Variants in GPR137C observed in about 807,000 individuals in gnomAD.
GPR137C encodes the protein integral membrane protein GPR137C.
GPR137C carries 27 observed loss-of-function variants against 43.4 expected under a neutral mutation model. The observed-to-expected ratio is 0.62, with a 90% CI of 0.46 to 0.86. The LOEUF is 0.86. GPR137C is among the 40% of genes least tolerant of loss of function. The probability of loss-of-function intolerance (pLI) is 0.00; values close to 1 mark genes in which losing one functional copy is unlikely to be tolerated. For missense variants in GPR137C, 522 were observed against 534.6 expected, an observed-to-expected ratio of 0.98 and a Z score of 0.23; for synonymous variants, 285 against 226.9, an observed-to-expected ratio of 1.26 and a Z score of -2.30.
chr14:52,555,890 TTC>T (rs1297731429), intron 1 of GPR137C, among the ~76,000 whole-genome samples: 1 of 152,190 alleles, frequency 6.6e-6, no homozygotes, highest in East Asian at 1.9e-4. Context: ...CAGAAATCAT[TTC>T]TCTTTTCATT....
chr14:52,557,787 A>C (rs2038216966), intron 1 of GPR137C, among the ~76,000 whole-genome samples: 2 of 152,236 alleles, frequency 1.3e-5, no homozygotes, highest in Admixed American at 1.3e-4. Context: ...AATATGTATC[A>C]GTTGTGATAC....
intron 1 of GPR137C, among the ~76,000 whole-genome samples, chr14:52,593,552 G>A (rs2038811502): frequency 6.6e-6 from 1 of 152,164 alleles, no homozygotes; most frequent in Non-Finnish European, 1.5e-5. Flanking sequence ...TCCTGGTTTA[G>A]TCTTGGGAGG....
At chr14:52,612,605 AG>A (rs1472586218) in intron 3 of GPR137C, 3 of 739,830 alleles carry the variant, frequency 4.1e-6, no homozygotes, top group Non-Finnish European at 5.0e-6. Context: ...TGTGTCACCC[AG>A]GCTGGAATGT....
intron 1 of GPR137C, among the ~76,000 whole-genome samples, chr14:52,589,483 A>G (rs1261755802): frequency 6.6e-6 from 1 of 152,182 alleles, no homozygotes; most frequent in Non-Finnish European, 1.5e-5. Context: ...AAGAGGGTGG[A>G]TGGAATTAAG....
In GPR137C at chr14:52,636,235, A is replaced by C. The variant is rs528347873; in HGVS notation, c.*1120A>C. The C allele has an allele frequency of 6.6e-6, 1 of 152,234 alleles. No individual in the cohort carries two copies. The highest frequency in any genetic ancestry group is 2.1e-4 in the South Asian group (1 of 4,830). The allele number at this position is 152,234 out of a possible 1,614,324, so 9.4% of individuals were successfully genotyped here. A position where few individuals can be genotyped will look rare whatever the true frequency, so the allele number is the denominator to read the frequency against. On this transcript the variant is annotated 3_prime_UTR_variant, in exon 7 of 7. Transcript: ENST00000321662. ...AATGAGCAAACTTAAGTAAATGTACAAACTAGGTAAGTATAAAACCACAGG... is the reference window on the plus strand; with the variant it reads ...AATGAGCAAACTTAAGTAAATGTACCAACTAGGTAAGTATAAAACCACAGG...
chr14:52,614,617 G>A (rs563819788), intron 3 of GPR137C, among the ~76,000 whole-genome samples: 1 of 152,082 alleles, frequency 6.6e-6, no homozygotes, highest in African/African-American at 2.4e-5. Context: ...CTTCCTGAGT[G>A]GCTGGGACTA....
intron 1 of GPR137C, among the ~76,000 whole-genome samples, chr14:52,571,987 G>C (rs1203869998): frequency 6.6e-6 from 1 of 152,134 alleles, no homozygotes; most frequent in East Asian, 1.9e-4. Context: ...AAATAAACTA[G>C]AATATCCAGA....
intron 1 of GPR137C, among the ~76,000 whole-genome samples, chr14:52,559,170 A>G (rs905049787): frequency 1.3e-5 from 2 of 152,174 alleles, no homozygotes; most frequent in East Asian, 3.9e-4. Flanking sequence ...AGGTCAGGAG[A>G]TCGAGACCCT....
chr14:52,560,006 A>G (rs1351377772), intron 1 of GPR137C, among the ~76,000 whole-genome samples: 1 of 152,048 alleles, frequency 6.6e-6, no homozygotes, highest in Admixed American at 6.6e-5. Context: ...AAAAATAAAA[A>G]ATTAGCCAGG....
At position 52,601,029 on chromosome 14, in the gene GPR137C, C is replaced by T. The variant is rs567523938; in HGVS notation, c.717+688C>T. Among the ~76,000 whole-genome samples, 5 of 152,258 alleles carry T rather than the reference C, an allele frequency of 3.3e-5. No homozygotes were observed. In the South Asian group the frequency reaches 6.2e-4, roughly 19 times the overall value. On this transcript the variant is annotated intron_variant, in intron 3 of 6. Transcript: ENST00000321662. ...TGCCTTGCTTCTCCCTTGCCTTATA[C>T]TTTGGATCAACAAACAGAAGCCAAA... is the stretch of plus-strand genomic sequence containing the variant.
intron 1 of GPR137C, among the ~76,000 whole-genome samples, chr14:52,571,129 A>C (rs2038461407): frequency 6.6e-6 from 1 of 152,162 alleles, no homozygotes; most frequent in Non-Finnish European, 1.5e-5. Context: ...CGGAAATCAT[A>C]AACAGTCACT....
intron 3 of GPR137C, among the ~76,000 whole-genome samples, chr14:52,624,672 C>T (rs576248918): frequency 6.7e-6 from 1 of 149,102 alleles, no homozygotes; most frequent in East Asian, 2.0e-4. Context: ...TGCAGTGAGC[C>T]GAGATCATGC....
intron 3 of GPR137C, among the ~76,000 whole-genome samples, chr14:52,600,766 G>C (rs1475007751): frequency 6.6e-6 from 1 of 152,152 alleles, no homozygotes; most frequent in African/African-American, 2.4e-5. Context: ...TGCATTGGAG[G>C]CTAATCACAT....
chr14:52,576,003 A>C (rs554798186), intron 1 of GPR137C, among the ~76,000 whole-genome samples: 1 of 152,284 alleles, frequency 6.6e-6, no homozygotes, highest in Non-Finnish European at 1.5e-5. Context: ...TTGGTCATAT[A>C]GGCATGGAGC....
At chr14:52,603,539 T>G (rs1013414972) in intron 3 of GPR137C, among the ~76,000 whole-genome samples, 5 of 152,094 alleles carry the variant, frequency 3.3e-5, no homozygotes, top group Non-Finnish European at 5.9e-5. Flanking sequence ...TTTGGGGTTG[T>G]TTGTTTGTTT....
chr14:52,593,634 TTC>T (rs1273119363), intron 1 of GPR137C, among the ~76,000 whole-genome samples: 2 of 152,256 alleles, frequency 1.3e-5, no homozygotes, highest in Non-Finnish European at 2.9e-5. Flanking sequence ...GTTTATAGTA[TTC>T]TCTGATGGTA....
chr14:52,556,052 A>ACC (rs2038187407), intron 1 of GPR137C, among the ~76,000 whole-genome samples: 1 of 152,216 alleles, frequency 6.6e-6, no homozygotes, highest in South Asian at 2.1e-4. Context: ...GCAAAGTGGT[A>ACC]GGGAAAGCCT....
At chr14:52,592,507 T>C (rs186634529) in intron 1 of GPR137C, among the ~76,000 whole-genome samples, 47 of 152,300 alleles carry the variant, frequency 3.1e-4, no homozygotes, top group African/African-American at 1.1e-3. Flanking sequence ...TTTATTTCAT[T>C]GAGCAGTGGT....
chr14:52,597,407 G>T (rs964620814), intron 1 of GPR137C, among the ~76,000 whole-genome samples: 1 of 152,174 alleles, frequency 6.6e-6, no homozygotes, highest in African/African-American at 2.4e-5. Context: ...AAATCAGTGA[G>T]TTACCATGTA....
Sources: allele counts gnomAD v4.1 joint callset (sites outside exome capture counted in the v4.1 genomes callset), GRCh38; gene constraint gnomAD v4.1.1; transcripts MANE v1.5; gene names NCBI Gene and HGNC (gene_info 2026-07-23, HGNC 2026-07-21).